CD163: variants seen among roughly 807,000 people sequenced by gnomAD.
The protein encoded by CD163 is scavenger receptor cysteine-rich type 1 protein M130.
A neutral mutation model predicts 129.2 loss-of-function variants in CD163; 64 were observed. The observed-to-expected ratio is 0.50, with a 90% CI of 0.41 to 0.61. CD163 has a LOEUF of 0.61. Among genes scored for constraint, CD163 ranks in the 20% least tolerant of loss-of-function variants. CD163 has a pLI of 0.00. For synonymous variants in CD163, 446 were observed against 478.5 expected, an observed-to-expected ratio of 0.93 and a Z score of 0.89; for missense variants, 1,061 against 1,377.9, an observed-to-expected ratio of 0.77 and a Z score of 3.64.
Position 7,485,782 on chromosome 12 carries a change from A to G in CD163, c.2459-366T>C, listed in dbSNP as rs142433406. 2.2e-3 allele frequency among the ~76,000 whole-genome samples: 328 copies of G among 152,252 alleles called. No homozygotes were observed. Among genetic ancestry groups the G allele is most frequent in the African/African-American group, 7.4e-3 (309 of 41,542 alleles). ...GTTAGACACTCAGGCACTAAAATCA[A>G]TGTTTTGTGTACATCTCTTAAAATG... On this transcript the variant is annotated intron_variant, in intron 10 of 16. Coordinates refer to ENST00000432237, the MANE Select transcript of CD163 (RefSeq NM_203416.4). This position sits in a 1 kb window ranked among gnomAD's most constrained non-coding sequence, Gnocchi z 4.5.
Position 7,486,607 on chromosome 12 carries a change from C to A in CD163, c.2350G>T (p.Asp784Tyr). The change falls in exon 10 of 17, where the codon GAT becomes TAT. Residue 784 changes from aspartate to tyrosine, a missense_variant. Coordinates refer to ENST00000432237, the MANE Select transcript of CD163 (RefSeq NM_203416.4). ...TCTTTTCCATTGCATTTCATCTCAT[C>A]CAGCCAGATGGGCCCTGTTCCTTCC... ...FGEGTGPIWL[D>Y]EMKCNGKESR... is the part of the protein sequence containing the mutation. The A allele has an allele frequency of 6.2e-7, 1 of 1,614,192 alleles. No individual in the cohort carries two copies. Among genetic ancestry groups the A allele is most frequent in the Non-Finnish European group, 8.5e-7 (1 of 1,180,034 alleles).
At chr12:7,494,977 T>TA in intron 6 of CD163, 104 bp downstream of exon 6, 1 of 841,752 alleles carries the variant, frequency 1.2e-6, no homozygotes, top group Admixed American at 2.2e-5. Flanking sequence ...TTTCCTGGTT[T>TA]CTTGAGAGTG....
chr12:7,472,093 A>G (rs1159135923), intron 16 of CD163, among the ~76,000 whole-genome samples: 4 of 152,232 alleles, frequency 2.6e-5, no homozygotes, highest in African/African-American at 4.8e-5. Context: ...TCCCTGGGAC[A>G]GAGCACCTGG....
intron 16 of CD163, among the ~76,000 whole-genome samples, chr12:7,474,653 C>G (rs1949058887): frequency 6.6e-6 from 1 of 152,054 alleles, no homozygotes; most frequent in African/African-American, 2.4e-5. Flanking sequence ...ACCCTAACAT[C>G]ACAATTAAAA....
At position 7,486,908 on chromosome 12, in the gene CD163, G is replaced by T. The variant is rs1326249509; in HGVS notation, c.2129C>A (p.Ala710Asp). The T allele has an allele frequency of 1.9e-6, 3 of 1,613,812 alleles. No homozygotes were observed. The highest frequency in any genetic ancestry group is 2.5e-6 in the Non-Finnish European group (3 of 1,179,726). Residue 710 changes from alanine (A) to aspartate (D), a missense_variant, in exon 9 of 17, where the codon GCT becomes GAT. Coordinates refer to ENST00000432237, the MANE Select transcript of CD163 (RefSeq NM_203416.4). ...CAGAGTCTTACCTATGCAGGCCACA[G>T]CACTTTCTTCTGGAATGGTAGGCCT... ...PTRPTIPEES[A>D]VACIESGQLR...
Position 7,495,271 on chromosome 12 carries a change from A to G in CD163, c.1230T>C (p.Val410=). The G allele has an allele frequency of 1.9e-6, 3 of 1,614,084 alleles. No individual in the cohort carries two copies. Among genetic ancestry groups the G allele is most frequent in the Non-Finnish European group, 2.5e-6 (3 of 1,180,004 alleles). The part of the protein sequence containing the change: ...RGWGLKEADV[V]CRQLGCGSAL... ...CAGATCCACATCCCAGCTGCCTGCA[A>G]ACCACATCAGCTTCTTTCAGTCCCC... The change falls in exon 6 of 17, where the codon GTT becomes GTC. Residue 410 remains valine, a synonymous_variant. Transcript: ENST00000432237.
intron 6 of CD163, among the ~76,000 whole-genome samples, chr12:7,493,422 C>T (rs1183322751): frequency 1.3e-5 from 2 of 152,178 alleles, no homozygotes; most frequent in African/African-American, 4.8e-5. Context: ...GGATTTGATA[C>T]TTACTGCAGC....
intron 11 of CD163, among the ~76,000 whole-genome samples, chr12:7,484,300 G>A (rs1391800205): frequency 6.6e-6 from 1 of 151,992 alleles, no homozygotes; most frequent in Non-Finnish European, 1.5e-5. Flanking sequence ...TTTCAAATAG[G>A]CAAGATCTTG....
chr12:7,503,117 G>A (rs1487546422), intron 1 of CD163, among the ~76,000 whole-genome samples: 1 of 152,104 alleles, frequency 6.6e-6, no homozygotes, highest in Non-Finnish European at 1.5e-5. Context: ...ATCCATATCT[G>A]AAAAACTCAA....
chr12:7,481,461 G>C lies in CD163; in HGVS notation c.3248-205C>G, dbSNP rs1370957874. Reference sequence around the variant, plus strand: ...AGGCTAAATCTTCCCCACTGCCATTGTATTAATATAAACAACCCACTGTTT... The same window carrying C: ...AGGCTAAATCTTCCCCACTGCCATTCTATTAATATAAACAACCCACTGTTT... On this transcript the variant is annotated intron_variant, in intron 14 of 16. Coordinates refer to ENST00000432237, the MANE Select transcript of CD163 (RefSeq NM_203416.4). 2.5e-4 allele frequency among the ~76,000 whole-genome samples: 38 copies of C among 152,132 alleles called. 1 individual carries two copies. Among genetic ancestry groups the C allele is most frequent in the Admixed American group, 2.5e-3 (38 of 15,258 alleles).
At chr12:7,498,018 C>T (rs1252548077) in intron 4 of CD163, among the ~76,000 whole-genome samples, 2 of 152,076 alleles carry the variant, frequency 1.3e-5, no homozygotes, top group Non-Finnish European at 2.9e-5. Flanking sequence ...TGTTCAAGAA[C>T]CTGAATCCAA....
intron 3 of CD163, among the ~76,000 whole-genome samples, chr12:7,500,336 G>T (rs946580408): frequency 1.0e-4 from 14 of 140,576 alleles, no homozygotes; most frequent in African/African-American, 3.1e-4. Flanking sequence ...CAGGAGAATT[G>T]CTTGAACCCG....
chr12:7,489,218 G>T (rs1949295975), intron 6 of CD163, among the ~76,000 whole-genome samples: 1 of 152,042 alleles, frequency 6.6e-6, no homozygotes, highest in Non-Finnish European at 1.5e-5. Context: ...CACCATATCT[G>T]TTGGTCCTCC....
At chr12:7,482,502 C>T in intron 14 of CD163, 141 bp downstream of exon 14, 1 of 880,000 alleles carries the variant, frequency 1.1e-6, no homozygotes, top group Non-Finnish European at 1.7e-6. Context: ...CTGTGCCTGG[C>T]CCTTCCCTCT....
rs750849342 is a variant in CD163, at chr12:7,487,585, A to AT, written c.1823_1824insA (p.Cys608Ter). 3 of 1,614,164 alleles carry AT rather than the reference A, an allele frequency of 1.9e-6. No individual in the cohort carries two copies. The Admixed American group carries it at 5.0e-5, about 27-fold the overall frequency. The change falls in exon 8 of 17, where the codon TGT becomes TGAT. Residue 608 changes from cysteine to a stop codon, truncating the protein, a stop_gained and frameshift_variant. Coordinates refer to ENST00000432237, the MANE Select transcript of CD163 (RefSeq NM_203416.4). LOFTEE classifies it high-confidence loss of function. This position sits in a 1 kb window ranked among gnomAD's most constrained non-coding sequence, Gnocchi z 5.1. ...CATCTTCTATGTCCCAGTGAGAGTT[A>AT]CAGAGGGATCCCCAGGCACCAAGCG... The part of the protein sequence containing the change: ...LKTLGAWGSL[C>*]NSHWDIEDAH...
At position 7,502,474 on chromosome 12, in the gene CD163, T is replaced by G; in HGVS notation, c.133+4A>C. 1 of 1,567,654 alleles carries G rather than the reference T, an allele frequency of 6.4e-7. No individual in the cohort carries two copies. The highest frequency in any genetic ancestry group is 8.8e-7 in the Non-Finnish European group (1 of 1,137,374). On this transcript the variant is annotated splice_donor_region_variant and intron_variant, in intron 2 of 16. Transcript: ENST00000432237. Reference sequence around the variant, plus strand: ...GCTGTAAGTAAATTTGACAAAGTACTCACCAAGAGAACTGGTGACAAAACA... The same window carrying G: ...GCTGTAAGTAAATTTGACAAAGTACGCACCAAGAGAACTGGTGACAAAACA...
intron 16 of CD163, among the ~76,000 whole-genome samples, chr12:7,474,267 C>A (rs755688029): frequency 1.3e-5 from 2 of 152,298 alleles, no homozygotes; most frequent in Admixed American, 6.5e-5. Flanking sequence ...TCCAAATCAA[C>A]AGAATATACA....
chr12:7,500,275 G>A (rs1164960923), intron 3 of CD163, among the ~76,000 whole-genome samples: 2 of 151,886 alleles, frequency 1.3e-5, no homozygotes, highest in African/African-American at 2.4e-5. Flanking sequence ...ACAAAAATCA[G>A]CCAGGTGTGG....
Position 7,485,868 on chromosome 12 carries a change from A to T in CD163, c.2459-452T>A, listed in dbSNP as rs2136706051. ...GCATGTCTTCTACCAGATTTATGTC[A>T]TTAAAATAGGAATAAATCACTTCTG... is the stretch of plus-strand genomic sequence containing the variant. On this transcript the variant is annotated intron_variant, in intron 10 of 16. Transcript: ENST00000432237. This position sits in a 1 kb window ranked among gnomAD's most constrained non-coding sequence, Gnocchi z 4.5. Among the ~76,000 whole-genome samples the T allele has an allele frequency of 6.6e-6, 1 of 152,340 alleles. No homozygotes were observed. The highest frequency in any genetic ancestry group is 2.1e-4 in the South Asian group (1 of 4,826).
Sources: gnomAD v4.1 joint callset for allele counts (sites outside exome capture counted in the v4.1 genomes callset) on GRCh38, gnomAD v4.1.1 for gene constraint, Gnocchi (gnomAD v3.1) non-coding constraint, MANE v1.5 for transcripts, NCBI Gene and HGNC (gene_info 2026-07-23, HGNC 2026-07-21) for gene names.